The following DTNB variants were observed in gnomAD, a reference collection of about 807,000 sequenced individuals.
DTNB encodes dystrobrevin beta.
DTNB carries 63 observed loss-of-function variants against 90.7 expected under a neutral mutation model. The observed-to-expected ratio is 0.69, with a 90% CI of 0.57 to 0.86. The LOEUF is 0.86. DTNB is among the 40% of genes least tolerant of loss of function. DTNB has a pLI of 0.00. For missense variants in DTNB, 744 were observed against 807.1 expected, an observed-to-expected ratio of 0.92 and a Z score of 0.95; for synonymous variants, 277 against 286.7, an observed-to-expected ratio of 0.97 and a Z score of 0.34.
chr2:25,669,738 C>T (rs567023447), intron 1 of DTNB, among the ~76,000 whole-genome samples: 3 of 152,108 alleles, frequency 2.0e-5, no homozygotes, highest in Non-Finnish European at 4.4e-5. Flanking sequence ...GTAATCCCAA[C>T]GCTTTGGGAG....
chr2:25,454,399 A>T (rs1389931838), intron 11 of DTNB, among the ~76,000 whole-genome samples: 1 of 152,224 alleles, frequency 6.6e-6, no homozygotes, highest in East Asian at 1.9e-4. Flanking sequence ...AAGCAAAACT[A>T]AGATCAAAAT....
chr2:25,555,819 C>G (rs2057246454), intron 8 of DTNB, among the ~76,000 whole-genome samples: 1 of 152,060 alleles, frequency 6.6e-6, no homozygotes, highest in African/African-American at 2.4e-5. Flanking sequence ...AATTCAAGAC[C>G]AGCCTGGCCA....
intron 8 of DTNB, among the ~76,000 whole-genome samples, chr2:25,550,295 G>A (rs1474813829): frequency 6.6e-6 from 1 of 152,122 alleles, no homozygotes. Context: ...GGAGGCTGAG[G>A]CAAGAGAATG....
chr2:25,538,728 A>G (rs1451868564), intron 8 of DTNB, among the ~76,000 whole-genome samples: 1 of 152,170 alleles, frequency 6.6e-6, no homozygotes, highest in Non-Finnish European at 1.5e-5. Context: ...CTGGGATTAC[A>G]GGCATGAGCC....
chr2:25,530,031 T>G lies in DTNB; in HGVS notation c.1001+1442A>C, dbSNP rs934267743. Among the ~76,000 whole-genome samples the G allele has an allele frequency of 8.5e-5, 13 of 152,148 alleles. 1 individual carries two copies. Among genetic ancestry groups the G allele is most frequent in the African/African-American group, 3.1e-4 (13 of 41,428 alleles). ...GAGTTTTTAAAATATTATTTAAAAT[T>G]AAAAAGGTAACCAACTTAAAAATGG... On this transcript the variant is annotated intron_variant, in intron 9 of 20. Transcript: ENST00000406818.
intron 6 of DTNB, among the ~76,000 whole-genome samples, chr2:25,591,158 T>C (rs916692927): frequency 6.6e-6 from 1 of 152,114 alleles, no homozygotes; most frequent in Non-Finnish European, 1.5e-5. Context: ...AGCAGGGAGA[T>C]GCCAGGCAGC....
intron 1 of DTNB, among the ~76,000 whole-genome samples, chr2:25,660,578 T>G (rs1574162442): frequency 6.6e-6 from 1 of 152,208 alleles, no homozygotes; most frequent in African/African-American, 2.4e-5. Flanking sequence ...TTATATGGTA[T>G]GTGGATTATA....
At chr2:25,525,814 A>G (rs2076980894) in intron 9 of DTNB, among the ~76,000 whole-genome samples, 1 of 152,128 alleles carries the variant, frequency 6.6e-6, no homozygotes, top group African/African-American at 2.4e-5. Flanking sequence ...AGTCAGGTTC[A>G]CCCAAAGACA....
At chr2:25,648,736 A>G (rs2080087270) in intron 2 of DTNB, among the ~76,000 whole-genome samples, 1 of 152,200 alleles carries the variant, frequency 6.6e-6, no homozygotes, top group Non-Finnish European at 1.5e-5. Flanking sequence ...CCCCAGCACT[A>G]TATTAACAGA....
intron 1 of DTNB, among the ~76,000 whole-genome samples, chr2:25,654,911 C>G (rs893401594): frequency 4.6e-5 from 7 of 152,136 alleles, no homozygotes; most frequent in African/African-American, 1.4e-4. Flanking sequence ...TAGAACAGTT[C>G]CCAGCACACA....
At chr2:25,651,111 A>T (rs564668979) in intron 2 of DTNB, among the ~76,000 whole-genome samples, 1 of 152,372 alleles carries the variant, frequency 6.6e-6, no homozygotes, top group East Asian at 1.9e-4. Flanking sequence ...GTGATTAAAA[A>T]AAATTAGTAA....
intron 16 of DTNB, among the ~76,000 whole-genome samples, chr2:25,410,839 C>T (rs1164435125): frequency 1.3e-5 from 2 of 151,992 alleles, no homozygotes; most frequent in African/African-American, 4.8e-5. Flanking sequence ...ACGTATCTGG[C>T]CTGTGACACA....
chr2:25,593,654 A>G (rs1001870390), intron 6 of DTNB, among the ~76,000 whole-genome samples: 57 of 152,218 alleles, frequency 3.7e-4, no homozygotes, highest in African/African-American at 1.4e-3. Context: ...CAAAGCCCTC[A>G]CAATTATGTA....
intron 9 of DTNB, among the ~76,000 whole-genome samples, chr2:25,506,972 A>G (rs1182914606): frequency 6.6e-6 from 1 of 152,228 alleles, no homozygotes; most frequent in African/African-American, 2.4e-5. Flanking sequence ...TAGAAATTTT[A>G]GAAATTGCCT....
intron 12 of DTNB, among the ~76,000 whole-genome samples, chr2:25,447,989 C>T (rs941775269): frequency 1.5e-4 from 23 of 152,156 alleles, no homozygotes; most frequent in Admixed American, 4.6e-4. Flanking sequence ...GCAACAGTAG[C>T]TCTTGGCCTG....
chr2:25,502,899 A>G (rs1314766479), intron 9 of DTNB, among the ~76,000 whole-genome samples: 1 of 149,380 alleles, frequency 6.7e-6, no homozygotes, highest in African/African-American at 2.5e-5. Context: ...AAAAAAAAAA[A>G]AAAAATCAGC....
At chr2:25,401,826 T>A (rs1227381965) in intron 16 of DTNB, among the ~76,000 whole-genome samples, 1 of 152,218 alleles carries the variant, frequency 6.6e-6, no homozygotes, top group African/African-American at 2.4e-5. Flanking sequence ...GAAGACACTT[T>A]AGTCTCCATT....
Position 25,404,690 on chromosome 2 carries a change from A to T in DTNB, c.1575+14825T>A, listed in dbSNP as rs568825591. Among the ~76,000 whole-genome samples the T allele has an allele frequency of 2.0e-5, 3 of 152,228 alleles. No individual in the cohort carries two copies. The East Asian group carries it at 5.8e-4, about 29-fold the overall frequency. On this transcript the variant is annotated intron_variant, in intron 16 of 20. Transcript: ENST00000406818. ...GCCAACATGGTGAAACCCCATCTCT[A>T]CTAAAAATACAAAAATTAGCCAGGC...
At chr2:25,383,930 C>T (rs1301725761) in intron 18 of DTNB, 41 bp from the exon 19 acceptor site, 2 of 1,613,910 alleles carry the variant, frequency 1.2e-6, no homozygotes, top group Admixed American at 1.7e-5. Context: ...CCCTTCGGCA[C>T]AGGACAAGTA....
Sources: allele counts gnomAD v4.1 joint callset (sites outside exome capture counted in the v4.1 genomes callset), GRCh38; gene constraint gnomAD v4.1.1; transcripts MANE v1.5; gene names NCBI Gene and HGNC (gene_info 2026-07-23, HGNC 2026-07-21).